The following GRK5 variants were observed in gnomAD, a reference collection of about 807,000 sequenced individuals.
GRK5 encodes the protein G protein-coupled receptor kinase 5.
Under a neutral mutation model 78.4 loss-of-function variants are expected in GRK5, and 40 were observed. That is an observed-to-expected ratio of 0.51 (90% CI 0.40 to 0.66). The LOEUF is 0.66. GRK5 is among the 30% of genes least tolerant of loss of function. GRK5 has a pLI of 0.00. For missense variants in GRK5, 598 were observed against 759.9 expected (o/e 0.79, Z 2.50); for synonymous variants, 289 against 296.8 (o/e 0.97, Z 0.27).
chr10:119,409,917 G>A (rs1469873302), intron 4 of GRK5, among the ~76,000 whole-genome samples: 1 of 152,132 alleles, frequency 6.6e-6, no homozygotes, highest in Non-Finnish European at 1.5e-5. Context: ...CTCAGGGCCT[G>A]GGCTCCATGT....
intron 1 of GRK5, among the ~76,000 whole-genome samples, chr10:119,310,241 T>C (rs753614652): frequency 9.9e-5 from 15 of 152,248 alleles, no homozygotes; most frequent in Non-Finnish European, 1.3e-4. Flanking sequence ...TGAAAAATTG[T>C]ATTTTTCCTG....
At chr10:119,438,543 A>C (rs916118703) in intron 9 of GRK5, among the ~76,000 whole-genome samples, 1 of 148,720 alleles carries the variant, frequency 6.7e-6, no homozygotes, top group Non-Finnish European at 1.5e-5. Flanking sequence ...AAAGAGTCAA[A>C]ATTTTCCCTA....
At chr10:119,232,579 G>C (rs973251817) in intron 1 of GRK5, among the ~76,000 whole-genome samples, 3 of 152,164 alleles carry the variant, frequency 2.0e-5, no homozygotes. Flanking sequence ...GAATCATGGG[G>C]GGCAGGTCTT....
At chr10:119,345,080 T>C (rs999284870) in intron 2 of GRK5, among the ~76,000 whole-genome samples, 2 of 152,090 alleles carry the variant, frequency 1.3e-5, no homozygotes, top group Non-Finnish European at 2.9e-5. Flanking sequence ...GCAATTCTCC[T>C]GCCTCAGCCT....
At chr10:119,381,762 G>A (rs758556596) in intron 3 of GRK5, among the ~76,000 whole-genome samples, 2 of 152,032 alleles carry the variant, frequency 1.3e-5, no homozygotes, top group African/African-American at 2.4e-5. Context: ...TCCCCTCCCC[G>A]CCAGGTGCAG....
At chr10:119,330,833 C>T (rs1230425632) in intron 2 of GRK5, among the ~76,000 whole-genome samples, 7 of 152,300 alleles carry the variant, frequency 4.6e-5, no homozygotes, top group African/African-American at 1.4e-4. Context: ...CCAGCCTGGC[C>T]AACACGGGGA....
rs377228909 is a variant in GRK5 at position 119,430,195 on chromosome 10, C to T, written c.534-180C>T. ...CCAGGGGGCTTGGGATTTGAACACT[C>T]AGCTTCAGACTAAGTCCTCGAAGGT... On this transcript the variant is annotated intron_variant, in intron 6 of 15. Transcript: ENST00000392870. The surrounding 1 kb of genome is among the most constrained non-coding windows in gnomAD (Gnocchi z 4.5). Among the ~76,000 whole-genome samples, 12 of 152,240 alleles carry T rather than the reference C, an allele frequency of 7.9e-5. No individual in the cohort carries two copies. The highest frequency in any genetic ancestry group is 1.9e-4 in the East Asian group (1 of 5,164).
At chr10:119,428,433 A>C (rs1276394862) in intron 6 of GRK5, among the ~76,000 whole-genome samples, 2 of 152,212 alleles carry the variant, frequency 1.3e-5, no homozygotes, top group Non-Finnish European at 2.9e-5. Context: ...TATTCCTAGG[A>C]GTTCAAATAA....
chr10:119,223,588 G>A (rs551521996), intron 1 of GRK5, among the ~76,000 whole-genome samples: 1 of 152,152 alleles, frequency 6.6e-6, no homozygotes, highest in South Asian at 2.1e-4. Flanking sequence ...GGACTCTGCA[G>A]GTTCCCTGGC....
chr10:119,313,266 G>A (rs1850426499), intron 1 of GRK5, among the ~76,000 whole-genome samples: 1 of 148,398 alleles, frequency 6.7e-6, no homozygotes, highest in Non-Finnish European at 1.5e-5. Context: ...GATGGTGGTG[G>A]TAATAGTGGT....
intron 1 of GRK5, among the ~76,000 whole-genome samples, chr10:119,219,784 T>C (rs759492645): frequency 6.6e-6 from 1 of 152,210 alleles, no homozygotes; most frequent in Non-Finnish European, 1.5e-5. Context: ...GACCAAACAT[T>C]TGGGGCAAAC....
chr10:119,431,559 C>A lies in GRK5; in HGVS notation c.738+32C>A, dbSNP rs757441015. 4 of 1,603,770 alleles carry A rather than the reference C, an allele frequency of 2.5e-6. No individual in the cohort carries two copies. The highest frequency in any genetic ancestry group is 1.7e-6 in the Non-Finnish European group (2 of 1,174,426). On this transcript the variant is annotated intron_variant, in intron 8 of 15. Transcript: ENST00000392870. The surrounding 1 kb of genome is among the most constrained non-coding windows in gnomAD (Gnocchi z 4.8). ...GAGCATCTGGGCCCAGTGACCGGCT[C>A]GCCCTTCTGTGGACTGGGGCTTCCC...
At chr10:119,224,732 T>C (rs963076039) in intron 1 of GRK5, among the ~76,000 whole-genome samples, 2 of 152,170 alleles carry the variant, frequency 1.3e-5, no homozygotes, top group Admixed American at 1.3e-4. Flanking sequence ...CACTTTTTAA[T>C]TTTCGAGGTA....
At position 119,411,842 on chromosome 10, in the gene GRK5, C is replaced by CTTTTTTTT. The variant is rs10578557; in HGVS notation, c.340-11305_340-11298dup. Among the ~76,000 whole-genome samples the CTTTTTTTT allele has an allele frequency of 1.1e-3, 101 of 95,968 alleles. 16 individuals carry two copies. The highest frequency in any genetic ancestry group is 8.2e-3 in the Middle Eastern group (1 of 122). The allele number at this position is 95,968 out of a possible 152,430, so 63.0% of individuals were successfully genotyped here. ...CCTCAGCTTCATTGCAGATCTGCTT[C>CTTTTTTTT]TTTTTTTTTTTTTTTTTTTTTTTTT... On this transcript the variant is annotated intron_variant, in intron 4 of 15. Coordinates refer to ENST00000392870, the MANE Select transcript of GRK5 (RefSeq NM_005308.3).
In GRK5 at chr10:119,217,993, G is replaced by T. The variant is rs375941531; in HGVS notation, c.52+10024G>T. Among the ~76,000 whole-genome samples the T allele has an allele frequency of 1.2e-4, 18 of 152,184 alleles. 2 individuals carry two copies. The East Asian group carries it at 2.3e-3, about 20-fold the overall frequency. ...GGGTATGAAGTGGCCTTTTCCCCCA[G>T]AAAAGCTCTCTCCGGATGACCCCTT... On this transcript the variant is annotated intron_variant, in intron 1 of 15. Transcript: ENST00000392870. The surrounding 1 kb of genome is among the most constrained non-coding windows in gnomAD (Gnocchi z 4.1).
At chr10:119,413,842 C>T (rs1325988342) in intron 4 of GRK5, among the ~76,000 whole-genome samples, 4 of 152,304 alleles carry the variant, frequency 2.6e-5, no homozygotes, top group East Asian at 1.9e-4. Flanking sequence ...GTCCCTCAGG[C>T]GCCCACAGCA....
chr10:119,306,218 C>T (rs375123869), intron 1 of GRK5, among the ~76,000 whole-genome samples: 12 of 152,144 alleles, frequency 7.9e-5, no homozygotes, highest in Admixed American at 5.2e-4. Context: ...TGATTCTTGT[C>T]GCCTTTTGTG....
intron 10 of GRK5, 69 bp from the exon 11 acceptor site, chr10:119,441,930 G>A (rs1184199901): frequency 2.4e-6 from 3 of 1,269,132 alleles, no homozygotes; most frequent in Non-Finnish European, 3.5e-6. Context: ...CCTTGCCCAA[G>A]GGCACACAGC....
At chr10:119,215,475 T>G (rs1848556009) in intron 1 of GRK5, among the ~76,000 whole-genome samples, 4 of 120,414 alleles carry the variant, frequency 3.3e-5, no homozygotes, top group South Asian at 2.7e-4. Context: ...GGGAAATGGG[T>G]AGGAGAAGGA....
Sources: allele counts gnomAD v4.1 joint callset (sites outside exome capture counted in the v4.1 genomes callset), GRCh38; gene constraint gnomAD v4.1.1; non-coding constraint Gnocchi (gnomAD v3.1); transcripts MANE v1.5; gene names NCBI Gene and HGNC (gene_info 2026-07-23, HGNC 2026-07-21).